GLIS1: variants seen among roughly 807,000 people sequenced by gnomAD.
GLIS1 encodes GLIS family zinc finger 1.
Under a neutral mutation model 63.8 loss-of-function variants are expected in GLIS1, and 24 were observed. The ratio of observed to expected loss-of-function variants is 0.38; its 90% CI spans 0.27 to 0.53. The LOEUF (loss-of-function observed/expected upper bound fraction) is 0.53, where lower values mean the gene tolerates loss of function less well. Ranked by LOEUF, GLIS1 falls within the 20% of genes least tolerant of loss-of-function variation. The probability of loss-of-function intolerance (pLI) is 0.85; values close to 1 mark genes in which losing one functional copy is unlikely to be tolerated. For synonymous variants in GLIS1, 450 were observed against 482.5 expected (o/e 0.93, Z 0.88); for missense variants, 1,036 against 1,074.1 (o/e 0.96, Z 0.50).
intron 4 of GLIS1, among the ~76,000 whole-genome samples, chr1:53,542,739 A>T (rs1395629807): frequency 6.6e-6 from 1 of 152,204 alleles, no homozygotes. Context: ...CCCTGGGGCT[A>T]CGCCCTGGGG....
intron 6 of GLIS1, among the ~76,000 whole-genome samples, chr1:53,522,155 A>C (rs1371532792): frequency 6.6e-6 from 1 of 152,272 alleles, no homozygotes; most frequent in African/African-American, 2.4e-5. Context: ...CGCAATGTCG[A>C]TCGGATTAGG....
intron 4 of GLIS1, 85 bp downstream of exon 4, chr1:53,594,023 C>A: frequency 6.9e-7 from 1 of 1,447,906 alleles, no homozygotes; most frequent in South Asian, 1.4e-5. Flanking sequence ...GGACGGAGTC[C>A]CAGGCGGCCT....
At chr1:53,672,114 C>T (rs1409440598) in intron 2 of GLIS1, among the ~76,000 whole-genome samples, 1 of 152,188 alleles carries the variant, frequency 6.6e-6, no homozygotes, top group African/African-American at 2.4e-5. Flanking sequence ...CTCCAAGCAG[C>T]CCTGAACCCA....
In GLIS1 at chr1:53,661,107, T is replaced by C. The variant is rs564106249; in HGVS notation, c.260-60829A>G. Among the ~76,000 whole-genome samples the C allele has an allele frequency of 6.5e-4, 99 of 152,334 alleles. 1 individual carries two copies. Among genetic ancestry groups the C allele is most frequent in the African/African-American group, 2.2e-3 (90 of 41,574 alleles). On this transcript the variant is annotated intron_variant, in intron 2 of 10. Coordinates refer to ENST00000628545, the MANE Select transcript of GLIS1 (RefSeq NM_001367484.1). ...GTATGTCTCAGCACTGCCTGGCTCATAGGACACAATCAGGAGAAGGTGCAA... is the reference window on the plus strand; with the variant it reads ...GTATGTCTCAGCACTGCCTGGCTCACAGGACACAATCAGGAGAAGGTGCAA...
chr1:53,647,911 C>T (rs1156879965), intron 2 of GLIS1, among the ~76,000 whole-genome samples: 1 of 152,136 alleles, frequency 6.6e-6, no homozygotes, highest in Non-Finnish European at 1.5e-5. Context: ...GTGGCACATG[C>T]CTGTAATCCC....
intron 2 of GLIS1, among the ~76,000 whole-genome samples, chr1:53,687,916 A>G (rs1479607722): frequency 6.6e-6 from 1 of 152,136 alleles, no homozygotes; most frequent in Non-Finnish European, 1.5e-5. Context: ...CGTCCACCAC[A>G]TCATAGATGA....
At chr1:53,647,096 G>A (rs891468681) in intron 2 of GLIS1, among the ~76,000 whole-genome samples, 8 of 152,152 alleles carry the variant, frequency 5.3e-5, no homozygotes, top group African/African-American at 1.9e-4. Context: ...TTCCAAATGT[G>A]AATTTAGAAA....
chr1:53,732,283 A>G lies in GLIS1; in HGVS notation c.259+5523T>C, dbSNP rs148041681. Among the ~76,000 whole-genome samples the G allele has an allele frequency of 1.1e-3, 171 of 152,274 alleles. 1 individual carries two copies. Among genetic ancestry groups the G allele is most frequent in the African/African-American group, 4.0e-3 (165 of 41,510 alleles). On this transcript the variant is annotated intron_variant, in intron 2 of 10. Transcript: ENST00000628545. ...GCTTTAAGTGACTTTCAACTCTGAG[A>G]CCACTGGGTTAGGGTTGTATTCTCT...
At chr1:53,714,919 TTTTA>T (rs1259049933) in intron 2 of GLIS1, among the ~76,000 whole-genome samples, 1 of 152,220 alleles carries the variant, frequency 6.6e-6, no homozygotes, top group African/African-American at 2.4e-5. Flanking sequence ...TTATTTTTAT[TTTTA>T]TTTATTTATG....
At chr1:53,535,408 G>A (rs1644572698) in intron 4 of GLIS1, among the ~76,000 whole-genome samples, 2 of 152,150 alleles carry the variant, frequency 1.3e-5, no homozygotes, top group African/African-American at 2.4e-5. Context: ...GGGCTGGACC[G>A]GTGCAGGAGG....
At chr1:53,558,830 C>T (rs531837482) in intron 4 of GLIS1, among the ~76,000 whole-genome samples, 1 of 152,346 alleles carries the variant, frequency 6.6e-6, no homozygotes, top group African/African-American at 2.4e-5. Context: ...GTTGAATACC[C>T]TTGATCTGTG....
At chr1:53,722,906 G>A (rs1046542435) in intron 2 of GLIS1, among the ~76,000 whole-genome samples, 7 of 151,848 alleles carry the variant, frequency 4.6e-5, no homozygotes, top group Non-Finnish European at 1.0e-4. Context: ...GCCGAGGCGG[G>A]TGGATCACCT....
intron 4 of GLIS1, among the ~76,000 whole-genome samples, chr1:53,533,833 CG>C (rs1644555506): frequency 6.6e-6 from 1 of 152,132 alleles, no homozygotes. Context: ...GGGATGAGAG[CG>C]ACCATCAGTT....
chr1:53,672,465 T>C (rs1173251977), intron 2 of GLIS1, among the ~76,000 whole-genome samples: 4 of 152,210 alleles, frequency 2.6e-5, no homozygotes, highest in Non-Finnish European at 5.9e-5. Flanking sequence ...GATCACCTAC[T>C]CTGTGAAGCC....
rs145569893 is a variant in GLIS1, at chr1:53,551,201, T to A, written c.1321-21249A>T. 2.6e-3 allele frequency among the ~76,000 whole-genome samples: 401 copies of A among 152,326 alleles called. 2 individuals carry two copies. The highest frequency in any genetic ancestry group is 7.7e-3 in the South Asian group (37 of 4,820). On this transcript the variant is annotated intron_variant, in intron 4 of 10. Transcript: ENST00000628545. ...AGCCCTCACTATGTGCCCGGCATTG[T>A]GCTAAGAGAGGAGCCAAAGGAAAAC...
intron 4 of GLIS1, among the ~76,000 whole-genome samples, chr1:53,559,518 T>C (rs1644864808): frequency 6.6e-6 from 1 of 152,164 alleles, no homozygotes. Context: ...GACCTCAGGC[T>C]GGGATGATGA....
At chr1:53,731,468 T>C (rs797909) in intron 2 of GLIS1, among the ~76,000 whole-genome samples, 91,745 of 152,048 alleles carry the variant, frequency 0.6, 28,106 homozygotes, top group South Asian at 0.65. Flanking sequence ...TAGAGCCGCA[T>C]CCTCTCCTTC....
intron 2 of GLIS1, among the ~76,000 whole-genome samples, chr1:53,675,224 A>G (rs1285009206): frequency 6.6e-6 from 1 of 152,224 alleles, no homozygotes; most frequent in Non-Finnish European, 1.5e-5. Context: ...ATTAATATTC[A>G]TTCACTTACT....
intron 2 of GLIS1, among the ~76,000 whole-genome samples, chr1:53,687,290 C>G (rs371529386): frequency 3.9e-5 from 6 of 152,174 alleles, no homozygotes; most frequent in Admixed American, 2.0e-4. Flanking sequence ...AGGCACCACC[C>G]GCCCACCTGG....
Sources: gnomAD v4.1 joint callset for allele counts (sites outside exome capture counted in the v4.1 genomes callset) on GRCh38, gnomAD v4.1.1 for gene constraint, MANE v1.5 for transcripts, NCBI Gene and HGNC (gene_info 2026-07-23, HGNC 2026-07-21) for gene names.